SLC25A17: variants seen among roughly 807,000 people sequenced by gnomAD.
SLC25A17 encodes the protein solute carrier family 25 member 17.
Under a neutral mutation model 38.5 loss-of-function variants are expected in SLC25A17, and 26 were observed. That is an observed-to-expected ratio of 0.68 (90% CI 0.50 to 0.94). SLC25A17 has a LOEUF of 0.94. Ranked by LOEUF, SLC25A17 falls within the 40% of genes least tolerant of loss-of-function variation. SLC25A17 has a pLI of 0.00. For missense variants in SLC25A17, 333 were observed against 372.7 expected, an observed-to-expected ratio of 0.89 and a Z score of 0.88; for synonymous variants, 139 against 136.2, an observed-to-expected ratio of 1.02 and a Z score of -0.14.
intron 5 of SLC25A17, among the ~76,000 whole-genome samples, chr22:40,777,830 CAA>C (rs1320149660): frequency 6.6e-6 from 1 of 151,404 alleles, no homozygotes; most frequent in African/African-American, 2.4e-5. Context: ...AGTTTGGGGT[CAA>C]GTTTATCGGT....
chr22:40,796,926 T>C (rs1471323457), intron 2 of SLC25A17, among the ~76,000 whole-genome samples: 3 of 152,102 alleles, frequency 2.0e-5, no homozygotes, highest in Non-Finnish European at 4.4e-5. Context: ...TAAAACATAC[T>C]GTTAAGTGAA....
chr22:40,799,381 T>TTTA (rs2057460911), intron 1 of SLC25A17, among the ~76,000 whole-genome samples: 1 of 149,820 alleles, frequency 6.7e-6, no homozygotes, highest in Non-Finnish European at 1.5e-5. Context: ...TTTTTTTTTT[T>TTTA]GAGATGGAGT....
At chr22:40,807,647 G>A (rs1418339778) in intron 1 of SLC25A17, among the ~76,000 whole-genome samples, 1 of 152,068 alleles carries the variant, frequency 6.6e-6, no homozygotes, top group East Asian at 1.9e-4. Flanking sequence ...TACTCAGGAG[G>A]CTGAGGCAAG....
At chr22:40,788,333 T>C (rs886477939) in intron 4 of SLC25A17, among the ~76,000 whole-genome samples, 1 of 152,332 alleles carries the variant, frequency 6.6e-6, no homozygotes. Context: ...TTGTACTGTT[T>C]AAACTAATTC....
chr22:40,770,964 C>A lies in SLC25A17; in HGVS notation c.794G>T (p.Gly265Val). Residue 265 changes from glycine to valine, a missense_variant, in exon 9 of 9, where the codon GGA becomes GTA. Physicochemically the swap from Gly to Val is moderately radical, Grantham distance 109. Transcript: ENST00000435456. Reference sequence around the variant, plus strand: ...TTTGGCTTCAAGGCCTTTGTAGAGTCCCATTATTCCAAAACGTCTAAAGGG... The same window carrying A: ...TTTGGCTTCAAGGCCTTTGTAGAGTACCATTATTCCAAAACGTCTAAAGGG... Reference protein sequence around the residue: ...HQRVRRFGIMGLYKGLEAKLL... With the variant: ...HQRVRRFGIMVLYKGLEAKLL... 8.8e-6 allele frequency: 14 copies of A among 1,594,228 alleles called. No individual in the cohort carries two copies. Among genetic ancestry groups the A allele is most frequent in the Non-Finnish European group, 1.2e-5 (14 of 1,167,954 alleles).
intron 1 of SLC25A17, among the ~76,000 whole-genome samples, chr22:40,803,611 G>A: frequency 6.6e-6 from 1 of 151,850 alleles, no homozygotes; most frequent in East Asian, 1.9e-4. Flanking sequence ...AATTAACACA[G>A]ATATGCAGAG....
At chr22:40,793,715 T>C (rs1247902142) in intron 3 of SLC25A17, among the ~76,000 whole-genome samples, 1 of 152,000 alleles carries the variant, frequency 6.6e-6, no homozygotes, top group Non-Finnish European at 1.5e-5. Context: ...TGGGTTCACG[T>C]GATTCTCCTG....
At chr22:40,805,957 T>C (rs915311981) in intron 1 of SLC25A17, among the ~76,000 whole-genome samples, 1 of 152,200 alleles carries the variant, frequency 6.6e-6, no homozygotes. Flanking sequence ...CTGGGCCAGC[T>C]TTCAGGTTGA....
intron 7 of SLC25A17, 40 bp from the exon 8 acceptor site, chr22:40,774,059 T>TTTTTTAAAATCTTCA (rs2057215869): frequency 7.9e-7 from 1 of 1,265,516 alleles, no homozygotes; most frequent in Non-Finnish European, 1.2e-6. Flanking sequence ...ACTGTTGCTG[T>TTTTTTAAAATCTTCA]TTTTTAAAAT....
Position 40,786,302 on chromosome 22 carries a change from C to A in SLC25A17, c.334+6223G>T, listed in dbSNP as rs368989857. ...CTCCAGCCTGGGTGACAAAGTGAAA[C>A]CCTGTTGCAAAAAAAAAAAAAAAGT... On this transcript the variant is annotated intron_variant, in intron 4 of 8. Transcript: ENST00000435456. Among the ~76,000 whole-genome samples the A allele has an allele frequency of 3.3e-4, 49 of 150,064 alleles. No homozygotes were observed. In the East Asian group the frequency reaches 8.8e-3, roughly 27 times the overall value.
chr22:40,816,138 G>A (rs1313298571), intron 1 of SLC25A17, among the ~76,000 whole-genome samples: 1 of 150,238 alleles, frequency 6.7e-6, no homozygotes, highest in East Asian at 1.9e-4. Flanking sequence ...GTGGTGGGCC[G>A]AGATTGCATC....
At chr22:40,798,081 T>C (rs2057446586) in intron 2 of SLC25A17, 1 of 152,432 alleles carries the variant, frequency 6.6e-6, no homozygotes, top group Non-Finnish European at 1.5e-5. Context: ...AGAGTGTGGC[T>C]TCACAGGGTG....
intron 1 of SLC25A17, among the ~76,000 whole-genome samples, chr22:40,815,778 C>T (rs957923866): frequency 6.6e-6 from 1 of 151,896 alleles, no homozygotes; most frequent in Non-Finnish European, 1.5e-5. Context: ...ACTACAGAAC[C>T]TTTTTTTTCA....
intron 5 of SLC25A17, among the ~76,000 whole-genome samples, chr22:40,777,937 T>A (rs2057261339): frequency 6.6e-6 from 1 of 152,192 alleles, no homozygotes; most frequent in Non-Finnish European, 1.5e-5. Context: ...CGAATCCTCC[T>A]AAGTCATTAT....
intron 1 of SLC25A17, chr22:40,814,046 C>T (rs1182864214): frequency 1.3e-5 from 2 of 152,182 alleles, no homozygotes; most frequent in Admixed American, 1.3e-4. Flanking sequence ...GTATAGAGCA[C>T]TCTTGACATA....
At chr22:40,772,428 C>T (rs949181593) in intron 8 of SLC25A17, among the ~76,000 whole-genome samples, 4 of 152,142 alleles carry the variant, frequency 2.6e-5, no homozygotes, top group Non-Finnish European at 5.9e-5. Context: ...CCTCAGCCTC[C>T]TGGGTAGCTG....
chr22:40,782,221 A>AAAC (rs57313774), intron 4 of SLC25A17, among the ~76,000 whole-genome samples: 65,324 of 149,890 alleles, frequency 0.44, 15,068 homozygotes, highest in East Asian at 0.83. Flanking sequence ...CCCCATCTCA[A>AAAC]AACAACAACA....
At chr22:40,779,291 C>T in intron 4 of SLC25A17, 166 bp from the exon 5 acceptor site, 7 of 1,462,114 alleles carry the variant, frequency 4.8e-6, no homozygotes, top group Non-Finnish European at 5.4e-6. Flanking sequence ...CAAGCCACTA[C>T]TGTTAGAAGC....
chr22:40,785,891 T>G (rs1180388907), intron 4 of SLC25A17, among the ~76,000 whole-genome samples: 1 of 151,888 alleles, frequency 6.6e-6, no homozygotes, highest in Non-Finnish European at 1.5e-5. Context: ...CACCTTAGCC[T>G]CCCAAACTGC....
Sources: gnomAD v4.1 joint callset for allele counts (sites outside exome capture counted in the v4.1 genomes callset) on GRCh38, gnomAD v4.1.1 for gene constraint, MANE v1.5 for transcripts, NCBI Gene and HGNC (gene_info 2026-07-23, HGNC 2026-07-21) for gene names.